The following NEGR1 variants were observed in gnomAD, a reference collection of about 807,000 sequenced individuals.
The protein encoded by NEGR1 is neuronal growth regulator 1, also known as IgLON family member 4.
NEGR1 carries 10 observed loss-of-function variants against 40.9 expected under a neutral mutation model. That is an observed-to-expected ratio of 0.24 (90% confidence interval 0.15 to 0.42). NEGR1 has a LOEUF of 0.42. Ranked by LOEUF, NEGR1 falls within the 10% of genes least tolerant of loss-of-function variation. The pLI, the probability that NEGR1 is intolerant of heterozygous loss-of-function variation, is 1.00. For missense variants in NEGR1, 352 were observed against 438.9 expected (o/e 0.80, Z 1.77); for synonymous variants, 185 against 166.8 (o/e 1.11, Z -0.84).
intron 1 of NEGR1, among the ~76,000 whole-genome samples, chr1:72,113,747 T>C (rs1332087013): frequency 1.3e-5 from 2 of 151,772 alleles, no homozygotes; most frequent in African/African-American, 4.8e-5. Flanking sequence ...GGATTTTCTG[T>C]AGAATTTGTC....
intron 1 of NEGR1, among the ~76,000 whole-genome samples, chr1:72,190,440 C>T (rs1461698543): frequency 3.3e-5 from 5 of 151,302 alleles, no homozygotes; most frequent in South Asian, 2.1e-4. Context: ...TGATAATTAG[C>T]GATGAATTAC....
At chr1:71,961,999 A>T (rs1043429164) in intron 1 of NEGR1, among the ~76,000 whole-genome samples, 2 of 152,134 alleles carry the variant, frequency 1.3e-5, no homozygotes, top group Non-Finnish European at 2.9e-5. Context: ...TAAGAGTGGT[A>T]TTTGTATTAT....
chr1:72,225,004 G>A (rs973225113), intron 1 of NEGR1, among the ~76,000 whole-genome samples: 7 of 151,966 alleles, frequency 4.6e-5, no homozygotes, highest in Admixed American at 1.3e-4. Flanking sequence ...CTTGAATAAG[G>A]AAGTGAATGA....
intron 1 of NEGR1, among the ~76,000 whole-genome samples, chr1:71,988,545 C>CAAAAAAAAA (rs1197884975): frequency 1.0e-4 from 4 of 39,744 alleles, no homozygotes; most frequent in African/African-American, 1.8e-4. Context: ...GACTCCGTCT[C>CAAAAAAAAA]AAAAAAAAAA....
chr1:71,512,256 A>T (rs989477197), intron 6 of NEGR1, among the ~76,000 whole-genome samples: 89 of 152,272 alleles, frequency 5.8e-4, no homozygotes, highest in African/African-American at 2.0e-3. Context: ...ATGTAAAAAC[A>T]GTTCACCCCT....
chr1:71,887,992 G>GACACACACAC (rs57794150), intron 2 of NEGR1, among the ~76,000 whole-genome samples: 7 of 138,182 alleles, frequency 5.1e-5, no homozygotes, highest in African/African-American at 1.9e-4. Flanking sequence ...CTTTTGAAAG[G>GACACACACAC]ACACACACAC....
At chr1:71,756,389 A>G (rs1209762211) in intron 3 of NEGR1, among the ~76,000 whole-genome samples, 1 of 112,242 alleles carries the variant, frequency 8.9e-6, no homozygotes, top group Non-Finnish European at 1.8e-5. Flanking sequence ...AATGCCTCAA[A>G]AAAACAAAAA....
intron 1 of NEGR1, among the ~76,000 whole-genome samples, chr1:72,016,562 A>G (rs563524922): frequency 6.6e-6 from 1 of 152,330 alleles, no homozygotes; most frequent in South Asian, 2.1e-4. Flanking sequence ...CTAAACTTGC[A>G]TGATTAAGGT....
At chr1:72,110,893 TAC>T (rs1303248143) in intron 1 of NEGR1, among the ~76,000 whole-genome samples, 1 of 151,592 alleles carries the variant, frequency 6.6e-6, no homozygotes, top group Non-Finnish European at 1.5e-5. Context: ...ATAATCAAGA[TAC>T]AGTCAGTCAA....
intron 1 of NEGR1, among the ~76,000 whole-genome samples, chr1:71,999,678 T>TATATATATATATATATATAC (rs1457710237): frequency 8.0e-5 from 4 of 49,876 alleles, no homozygotes; most frequent in Non-Finnish European, 1.6e-4. Context: ...TATATATATA[T>TATATATATATATATATATAC]ACATACATAT....
chr1:71,621,889 G>A (rs938744625), intron 4 of NEGR1, among the ~76,000 whole-genome samples: 3 of 151,874 alleles, frequency 2.0e-5, no homozygotes, highest in African/African-American at 7.2e-5. Flanking sequence ...GCACATGTTA[G>A]AGGCCATAGA....
At chr1:72,158,939 AT>A (rs1271092197) in intron 1 of NEGR1, among the ~76,000 whole-genome samples, 1 of 152,148 alleles carries the variant, frequency 6.6e-6, no homozygotes, top group Non-Finnish European at 1.5e-5. Context: ...CTAAGATCTA[AT>A]TCAACATGTT....
chr1:71,711,341 C>CAAAA (rs59376519), intron 3 of NEGR1, among the ~76,000 whole-genome samples: 2,499 of 57,586 alleles, frequency 0.043, 113 homozygotes, highest in Middle Eastern at 0.1. Context: ...GAGATTCCAC[C>CAAAA]AAAAAAAAAA....
intron 4 of NEGR1, among the ~76,000 whole-genome samples, chr1:71,693,773 G>A (rs1044163223): frequency 6.6e-6 from 1 of 151,422 alleles, no homozygotes; most frequent in Non-Finnish European, 1.5e-5. Context: ...AAATGGAGTG[G>A]AGAACAGATG....
At chr1:71,522,083 C>T (rs910755119) in intron 6 of NEGR1, among the ~76,000 whole-genome samples, 9 of 152,010 alleles carry the variant, frequency 5.9e-5, no homozygotes, top group African/African-American at 2.2e-4. Flanking sequence ...GTGCTTTGCT[C>T]TTATGGGTGC....
intron 6 of NEGR1, among the ~76,000 whole-genome samples, chr1:71,485,474 C>T (rs1646881944): frequency 1.3e-5 from 2 of 151,460 alleles, no homozygotes; most frequent in East Asian, 1.9e-4. Flanking sequence ...TATTAGGGTT[C>T]GCTCTTGGTA....
chr1:71,659,928 A>G (rs1652001703), intron 4 of NEGR1, among the ~76,000 whole-genome samples: 1 of 152,104 alleles, frequency 6.6e-6, no homozygotes, highest in African/African-American at 2.4e-5. Flanking sequence ...GATTCCTTAA[A>G]GAGCTAAAAC....
chr1:71,579,002 T>A (rs561968469), intron 6 of NEGR1, among the ~76,000 whole-genome samples: 3 of 152,320 alleles, frequency 2.0e-5, no homozygotes, highest in Non-Finnish European at 2.9e-5. Context: ...TAATTTCACA[T>A]GCATTATGAC....
Position 72,026,257 on chromosome 1 carries a change from G to C in NEGR1, c.177-90946C>G, listed in dbSNP as rs1164895289. Reference sequence around the variant, plus strand: ...CTGTTAAAAATGGAAAGATAGGGAAGAAATGGAAATACAAAATTTAGACTG... The same window carrying C: ...CTGTTAAAAATGGAAAGATAGGGAACAAATGGAAATACAAAATTTAGACTG... On this transcript the variant is annotated intron_variant, in intron 1 of 6. Coordinates refer to ENST00000357731, the MANE Select transcript of NEGR1 (RefSeq NM_173808.3). Among the ~76,000 whole-genome samples, 4 of 150,932 alleles carry C rather than the reference G, an allele frequency of 2.7e-5. No homozygotes were observed. The East Asian group carries it at 7.8e-4, about 30-fold the overall frequency.
Sources: gnomAD v4.1 joint callset for allele counts (sites outside exome capture counted in the v4.1 genomes callset) on GRCh38, gnomAD v4.1.1 for gene constraint, MANE v1.5 for transcripts, NCBI Gene and HGNC (gene_info 2026-07-23, HGNC 2026-07-21) for gene names.